The following SAMD9L variants were observed in gnomAD, a reference collection of about 807,000 sequenced individuals.
SAMD9L encodes the protein sterile alpha motif domain-containing protein 9-like.
In SAMD9L, 68 loss-of-function variants were observed where a neutral mutation model predicts 90.7. The ratio of observed to expected loss-of-function variants is 0.75; its 90% confidence interval spans 0.62 to 0.92. The LOEUF is 0.92. Ranked by LOEUF, SAMD9L falls within the 40% of genes least tolerant of loss-of-function variation. The probability of loss-of-function intolerance (pLI) is 0.00; values close to 1 mark genes in which losing one functional copy is unlikely to be tolerated. For synonymous variants in SAMD9L, 640 were observed against 630.1 expected, an observed-to-expected ratio of 1.02 and a Z score of -0.23; for missense variants, 1,604 against 1,824.3, an observed-to-expected ratio of 0.88 and a Z score of 2.20.
intron 4 of SAMD9L, among the ~76,000 whole-genome samples, chr7:93,140,742 C>T (rs1406297959): frequency 6.6e-6 from 1 of 152,162 alleles, no homozygotes; most frequent in Admixed American, 6.5e-5. Flanking sequence ...GCATGTTCTG[C>T]CCACATGCCT....
chr7:93,138,309 T>C (rs556177274), intron 4 of SAMD9L, among the ~76,000 whole-genome samples: 10 of 152,272 alleles, frequency 6.6e-5, no homozygotes, highest in Non-Finnish European at 1.3e-4. Flanking sequence ...TCTACACATA[T>C]TTAATGAGCA....
In SAMD9L at chr7:93,132,396, A is replaced by G. The variant is rs1237790260; in HGVS notation, c.3576T>C (p.Tyr1192=). The G allele has an allele frequency of 1.2e-6, 2 of 1,613,916 alleles. No individual in the cohort carries two copies. Among genetic ancestry groups the G allele is most frequent in the South Asian group, 1.1e-5 (1 of 91,070 alleles). The change falls in exon 5 of 5, where the codon TAT becomes TAC. Residue 1192 remains tyrosine, a synonymous_variant. Coordinates refer to ENST00000318238, the MANE Select transcript of SAMD9L (RefSeq NM_152703.5). The stretch of plus-strand genomic sequence containing the variant: ...TTTCACCCAAGAAACAAGCTGTGTT[A>G]TACATGTCATATCGTCTCTGGGACT... ...PQKSQRRYDM[Y]NTACFLGEIE... is the part of the protein sequence containing the mutation.
intron 4 of SAMD9L, among the ~76,000 whole-genome samples, chr7:93,138,142 T>A (rs1253965590): frequency 6.6e-6 from 1 of 152,158 alleles, no homozygotes; most frequent in African/African-American, 2.4e-5. Context: ...ACTGGCACAA[T>A]GAACGCTATA....
rs916578883 is a variant in SAMD9L at position 93,133,270 on chromosome 7, A to G, written c.2702T>C (p.Ile901Thr). 1 of 1,612,606 alleles carries G rather than the reference A, an allele frequency of 6.2e-7. No homozygotes were observed. Among genetic ancestry groups the G allele is most frequent in the Non-Finnish European group, 8.5e-7 (1 of 1,179,302 alleles). The change falls in exon 5 of 5, where the codon ATA (isoleucine) becomes ACA (threonine). Residue 901 changes from isoleucine (I) to threonine (T), a missense_variant. Physicochemically the swap from Ile to Thr is moderately conservative, Grantham distance 89. Transcript: ENST00000318238. ...IMKSNFDETY[I>T]ENVVRNILKG... ...TAGGATATTCCTGACTACATTTTCT[A>G]TATATGTTTCATCAAAATTGCTTTT... is the stretch of plus-strand genomic sequence containing the variant.
At position 93,134,455 on chromosome 7, in the gene SAMD9L, C is replaced by G. The variant is rs746410565; in HGVS notation, c.1517G>C (p.Ser506Thr). The G allele has an allele frequency of 6.2e-7, 1 of 1,613,976 alleles. No homozygotes were observed. The highest frequency in any genetic ancestry group is 8.5e-7 in the Non-Finnish European group (1 of 1,179,910). ...TGGTTCTAGAGGTTTATATGTCTCGCTTTTCAGGTCTGATCTGCCGTTGCA... is the reference window on the plus strand; with the variant it reads ...TGGTTCTAGAGGTTTATATGTCTCGGTTTTCAGGTCTGATCTGCCGTTGCA... Reference protein sequence around the residue: ...IFCNGRSDLKSETYKPLEPHL... With the variant: ...IFCNGRSDLKTETYKPLEPHL... The change falls in exon 5 of 5, where the codon AGC becomes ACC. Residue 506 changes from serine to threonine, a missense_variant. Physicochemically the swap from Ser to Thr is moderately conservative, Grantham distance 58. Around this residue, in one of 7 missense-constraint regions of SAMD9L, gnomAD observed 606 missense variants for 717.6 expected, o/e 0.84. Transcript: ENST00000318238.
Position 93,134,338 on chromosome 7 carries a change from A to G in SAMD9L, c.1634T>C (p.Val545Ala). Residue 545 changes from valine to alanine, a missense_variant, in exon 5 of 5, where the codon GTA becomes GCA. Coordinates refer to ENST00000318238, the MANE Select transcript of SAMD9L (RefSeq NM_152703.5). ...ENIMTRGKFLVVFLLLSSVES... is the reference protein window; with the variant it reads ...ENIMTRGKFLAVFLLLSSVES... ...CACTGAAGAGAGTAATAGAAACACT[A>G]CCAAAAATTTTCCTCTTGTCATTAT... 1 of 1,611,082 alleles carries G rather than the reference A, an allele frequency of 6.2e-7. No individual in the cohort carries two copies. The highest frequency in any genetic ancestry group is 8.5e-7 in the Non-Finnish European group (1 of 1,179,154).
In SAMD9L at chr7:93,135,998, CA is replaced by C. The variant is rs755086083; in HGVS notation, c.-20-8del. On this transcript the variant is annotated splice_region_variant and splice_polypyrimidine_tract_variant and intron_variant, in intron 4 of 4. Transcript: ENST00000318238. ...TCAAAGCTTCAACTTCTTCCTGAGA[CA>C]AAGCAATATAATAAGTATTTTAGAA... 7 of 1,505,950 alleles carry C rather than the reference CA, an allele frequency of 4.6e-6. No homozygotes were observed. Among genetic ancestry groups the C allele is most frequent in the Non-Finnish European group, 5.3e-6 (6 of 1,128,588 alleles). The allele number at this position is 1,505,950 out of a possible 1,614,324, so 93.3% of individuals were successfully genotyped here. A position where few individuals can be genotyped will look rare whatever the true frequency, so the allele number is the denominator to read the frequency against.
chr7:93,133,324 C>A lies in SAMD9L; in HGVS notation c.2648G>T (p.Cys883Phe). The change falls in exon 5 of 5, where the codon TGT (cysteine) becomes TTT (phenylalanine). Residue 883 changes from cysteine to phenylalanine, a missense_variant. Cys to Phe is a radical substitution (Grantham distance 205). Transcript: ENST00000318238. Reference sequence around the variant, plus strand: ...GATCATGAAGGAATAAAAGTTTTCACAGTTCTTGTGCTGCTTTTCAATTTC... The same window carrying A: ...GATCATGAAGGAATAAAAGTTTTCAAAGTTCTTGTGCTGCTTTTCAATTTC... The part of the protein sequence containing the change: ...LKEIEKQHKN[C>F]ENFYSFMIMK... 1 of 1,612,534 alleles carries A rather than the reference C, an allele frequency of 6.2e-7. No individual in the cohort carries two copies. Among genetic ancestry groups the A allele is most frequent in the African/African-American group, 1.3e-5 (1 of 74,908 alleles).
Position 93,134,045 on chromosome 7 carries a change from C to T in SAMD9L, c.1927G>A (p.Val643Ile). Residue 643 changes from valine (V) to isoleucine (I), a missense_variant, in exon 5 of 5, where the codon GTT becomes ATT. Physicochemically the swap from Val to Ile is conservative, Grantham distance 29. Around this residue, in one of 7 missense-constraint regions of SAMD9L, gnomAD observed 606 missense variants for 717.6 expected, o/e 0.84. Transcript: ENST00000318238. ...TCCTCTTTCTTTTTCTCTAGGATAA[C>T]TGAAGAAGATCCACGGGCGGGCAAA... ...RFLPARGSSSVILEKKKEDVL... is the reference protein window; with the variant it reads ...RFLPARGSSSIILEKKKEDVL... 6.2e-7 allele frequency: 1 copy of T among 1,613,840 alleles called. No homozygotes were observed. The highest frequency in any genetic ancestry group is 1.3e-5 in the African/African-American group (1 of 75,016).
chr7:93,136,767 CTTAACCT>C (rs1792471604), intron 4 of SAMD9L, among the ~76,000 whole-genome samples: 1 of 152,198 alleles, frequency 6.6e-6, no homozygotes, highest in Admixed American at 6.5e-5. Flanking sequence ...AACAGGGGTT[CTTAACCT>C]TGGTTAAACA....
Position 93,133,914 on chromosome 7 carries a change from G to A in SAMD9L, c.2058C>T (p.His686=). 6.2e-7 allele frequency: 1 copy of A among 1,613,808 alleles called. No individual in the cohort carries two copies. Among genetic ancestry groups the A allele is most frequent in the Non-Finnish European group, 8.5e-7 (1 of 1,179,872 alleles). ...AGGATACTTTGCCACCTCGATAAAA[G>A]TGTTCTTCTTTTGATTTCTTAAACT... ...FLEFKKSKEE[H]FYRGGKVSWW... is the part of the protein sequence containing the mutation. Residue 686 remains histidine, a synonymous_variant, in exon 5 of 5, where the codon CAC becomes CAT. Transcript: ENST00000318238.
intron 4 of SAMD9L, among the ~76,000 whole-genome samples, chr7:93,137,085 A>C (rs1275360659): frequency 1.3e-5 from 2 of 152,236 alleles, no homozygotes; most frequent in Non-Finnish European, 2.9e-5. Flanking sequence ...TTACGGACAG[A>C]CAAAAAAAAC....
At position 93,131,746 on chromosome 7, in the gene SAMD9L, T is replaced by G; in HGVS notation, c.4226A>C (p.Gln1409Pro). 1 of 1,613,854 alleles carries G rather than the reference T, an allele frequency of 6.2e-7. No homozygotes were observed. The highest frequency in any genetic ancestry group is 8.5e-7 in the Non-Finnish European group (1 of 1,179,830). Residue 1409 changes from glutamine to proline, a missense_variant, in exon 5 of 5, where the codon CAA becomes CCA. Transcript: ENST00000318238. The stretch of plus-strand genomic sequence containing the variant: ...TACAAATTGCAAGACCTCTCGGAGT[T>G]GTTTTTTTAGCGTGGTAAGTGGTTG... ...LIQPLTTLKK[Q>P]LREVLQFVGL...
In SAMD9L at chr7:93,132,801, T is replaced by C. The variant is rs751542207; in HGVS notation, c.3171A>G (p.Pro1057=). The change falls in exon 5 of 5, where the codon CCA becomes CCG. Residue 1057 remains proline (P), a synonymous_variant. Coordinates refer to ENST00000318238, the MANE Select transcript of SAMD9L (RefSeq NM_152703.5). ...CTTTATTCTGTAAAGCTTCCATTAA[T>C]GGGGAAAACAGAGTGTCTGTTTCAT... ...YGDETDTLFS[P]LMEALQNKDI... is the part of the protein sequence containing the mutation. 1 of 1,613,780 alleles carries C rather than the reference T, an allele frequency of 6.2e-7. No homozygotes were observed. Among genetic ancestry groups the C allele is most frequent in the East Asian group, 2.2e-5 (1 of 44,870 alleles).
chr7:93,142,377 A>T (rs1216972169), intron 4 of SAMD9L, among the ~76,000 whole-genome samples: 2 of 152,238 alleles, frequency 1.3e-5, no homozygotes, highest in African/African-American at 4.8e-5. Flanking sequence ...GAGGAAATTA[A>T]CATTTTTAGA....
Position 93,135,504 on chromosome 7 carries a change from T to C in SAMD9L, c.468A>G (p.Leu156=), listed in dbSNP as rs755347522. The change falls in exon 5 of 5, where the codon CTA becomes CTG. Residue 156 remains leucine, a synonymous_variant. Transcript: ENST00000318238. ...ANAKHKKKGK[L]KPEQLTCMPY... ...GCATACAAGTCAATTGTTCAGGTTT[T>C]AGCTTACCCTTTTTCTTGTGTTTAG... 6.2e-7 allele frequency: 1 copy of C among 1,614,176 alleles called. No homozygotes were observed. The highest frequency in any genetic ancestry group is 8.5e-7 in the Non-Finnish European group (1 of 1,179,992).
chr7:93,136,398 G>A lies in SAMD9L; in HGVS notation c.-20-407C>T, dbSNP rs531933505. 5.3e-5 allele frequency among the ~76,000 whole-genome samples: 8 copies of A among 152,334 alleles called. No homozygotes were observed. The South Asian group carries it at 1.7e-3, about 32-fold the overall frequency. On this transcript the variant is annotated intron_variant, in intron 4 of 4. Coordinates refer to ENST00000318238, the MANE Select transcript of SAMD9L (RefSeq NM_152703.5). ...AATGAAACTGGATAGGTAGAAGTGG[G>A]TTGAGGAACAGGAATCCACAGCTGG...
At chr7:93,144,482 G>A (rs528185720) in intron 4 of SAMD9L, among the ~76,000 whole-genome samples, 1 of 152,202 alleles carries the variant, frequency 6.6e-6, no homozygotes, top group Non-Finnish European at 1.5e-5. Flanking sequence ...GTACACGGGA[G>A]GATGTGTATA....
intron 4 of SAMD9L, among the ~76,000 whole-genome samples, chr7:93,142,092 C>T (rs1792714772): frequency 1.3e-5 from 2 of 152,110 alleles, no homozygotes. Flanking sequence ...CAGCTCACAC[C>T]CTCACCTTTT....
Sources: allele counts gnomAD v4.1 joint callset (sites outside exome capture counted in the v4.1 genomes callset), GRCh38; gene constraint gnomAD v4.1.1; regional missense constraint gnomAD v4.1.1; transcripts MANE v1.5; gene names NCBI Gene and HGNC (gene_info 2026-07-23, HGNC 2026-07-21).